Variants in CAMKK2 observed in about 807,000 individuals in gnomAD.
CAMKK2 encodes calcium/calmodulin dependent protein kinase kinase 2, also known as calcium/calmodulin-dependent protein kinase kinase 2.
A neutral mutation model predicts 67.2 loss-of-function variants in CAMKK2; 30 were observed. The observed-to-expected ratio is 0.45, with a 90% CI of 0.33 to 0.61. The LOEUF (loss-of-function observed/expected upper bound fraction) is 0.61, where lower values mean the gene tolerates loss of function less well. Ranked by LOEUF, CAMKK2 falls within the 20% of genes least tolerant of loss-of-function variation. The probability of loss-of-function intolerance (pLI) is 0.02; values close to 1 mark genes in which losing one functional copy is unlikely to be tolerated. For missense variants in CAMKK2, 643 were observed against 802.0 expected (o/e 0.80, Z 2.39); for synonymous variants, 322 against 326.2 (o/e 0.99, Z 0.14).
At chr12:121,262,485 C>G (rs1893650829) in intron 6 of CAMKK2, among the ~76,000 whole-genome samples, 1 of 151,026 alleles carries the variant, frequency 6.6e-6, no homozygotes, top group African/African-American at 2.4e-5. Flanking sequence ...GCACTCCAGC[C>G]TGGGCAACAG....
intron 16 of CAMKK2, chr12:121,244,228 G>C (rs373323104): frequency 3.4e-4 from 443 of 1,305,630 alleles, no homozygotes; most frequent in Non-Finnish European, 4.6e-4. Context: ...ATGCGGACTC[G>C]GGGGGGCACC....
At chr12:121,256,680 C>T (rs1483938992) in intron 7 of CAMKK2, among the ~76,000 whole-genome samples, 2 of 152,160 alleles carry the variant, frequency 1.3e-5, no homozygotes, top group African/African-American at 4.8e-5. Flanking sequence ...GCTTCTTTCA[C>T]TTAGCATCAT....
intron 6 of CAMKK2, chr12:121,260,678 C>T (rs966329590): frequency 5.8e-6 from 3 of 513,510 alleles, no homozygotes; most frequent in Non-Finnish European, 1.0e-5. Context: ...TCCGGCTGGG[C>T]GCAGTGGCTC....
chr12:121,269,459 G>A, intron 4 of CAMKK2, 69 bp downstream of exon 4: 1 of 1,220,726 alleles, frequency 8.2e-7, no homozygotes, highest in Non-Finnish European at 1.2e-6. Flanking sequence ...TTTCCAGGAA[G>A]CTGAGTGCTG....
chr12:121,251,455 A>G (rs1327684694), intron 11 of CAMKK2, among the ~76,000 whole-genome samples: 1 of 152,206 alleles, frequency 6.6e-6, no homozygotes, highest in Non-Finnish European at 1.5e-5. Flanking sequence ...GCTTTCCTCA[A>G]TAAGAACACA....
intron 1 of CAMKK2, among the ~76,000 whole-genome samples, chr12:121,278,390 C>T (rs953650274): frequency 1.3e-5 from 2 of 152,200 alleles, no homozygotes; most frequent in Non-Finnish European, 1.5e-5. Flanking sequence ...CAGAATCATG[C>T]CCTGCAAGTG....
chr12:121,263,779 C>G, intron 6 of CAMKK2, 27 bp downstream of exon 6: 2 of 1,579,126 alleles, frequency 1.3e-6, no homozygotes, highest in Non-Finnish European at 1.7e-6. Flanking sequence ...GGGCCTCCCT[C>G]CCTCCTGGGC....
intron 11 of CAMKK2, among the ~76,000 whole-genome samples, chr12:121,251,425 T>C (rs1228995594): frequency 2.0e-5 from 3 of 152,172 alleles, no homozygotes; most frequent in Admixed American, 1.3e-4. Context: ...CTTTACTTCT[T>C]CATGGGACCA....
rs1593243375 is a variant in CAMKK2, at chr12:121,240,398, G to A, written c.*301C>T. 5 of 1,490,838 alleles carry A rather than the reference G, an allele frequency of 3.4e-6. No individual in the cohort carries two copies. The East Asian group carries it at 1.2e-4, about 37-fold the overall frequency. 92.4% of individuals were successfully genotyped at this position (1,490,838 alleles called of 1,614,324 possible). ...CGTGGTTCTGAAAATCACAATGAAG[G>A]ATTTTTGGCATAAAAACGTTTTAAA... On this transcript the variant is annotated 3_prime_UTR_variant, in exon 17 of 17. Coordinates refer to ENST00000404169, the MANE Select transcript of CAMKK2 (RefSeq NM_001270485.2). This position sits in a 1 kb window ranked among gnomAD's most constrained non-coding sequence, Gnocchi z 4.4.
intron 6 of CAMKK2, among the ~76,000 whole-genome samples, chr12:121,262,894 T>C (rs1282468926): frequency 6.6e-6 from 1 of 152,212 alleles, no homozygotes; most frequent in African/African-American, 2.4e-5. Context: ...TTAAATTTTC[T>C]CAGTTTTAAA....
At chr12:121,268,270 G>A (rs1165166125) in intron 5 of CAMKK2, among the ~76,000 whole-genome samples, 1 of 151,726 alleles carries the variant, frequency 6.6e-6, no homozygotes, top group Non-Finnish European at 1.5e-5. Flanking sequence ...GTTCTCTTGG[G>A]TATATAAGTA....
chr12:121,284,919 G>A (rs756638736), intron 1 of CAMKK2, among the ~76,000 whole-genome samples: 22 of 152,272 alleles, frequency 1.4e-4, no homozygotes, highest in South Asian at 4.1e-4. Context: ...CTGAATTCCC[G>A]GGCCTAGAAC....
chr12:121,289,077 AC>A (rs1284205897), intron 1 of CAMKK2, among the ~76,000 whole-genome samples: 1 of 151,796 alleles, frequency 6.6e-6, no homozygotes, highest in Non-Finnish European at 1.5e-5. Flanking sequence ...CCCCCACCCC[AC>A]CCCAACCAAA....
chr12:121,253,420 G>A lies in CAMKK2; in HGVS notation c.960C>T (p.Val320=), dbSNP rs146311641. 2.6e-5 allele frequency: 42 copies of A among 1,614,132 alleles called. No homozygotes were observed. The highest frequency in any genetic ancestry group is 2.5e-4 in the East Asian group (11 of 44,886). ...HRDIKPSNLL[V]GEDGHIKIAD... is the part of the protein sequence containing the mutation. ...CGATCTTGATGTGCCCATCTTCTCCGACCAGGAGGTTGGAAGGTTTGATGT... is the reference window on the plus strand; with the variant it reads ...CGATCTTGATGTGCCCATCTTCTCCAACCAGGAGGTTGGAAGGTTTGATGT... Residue 320 remains valine (V), a synonymous_variant, in exon 10 of 17, where the codon GTC becomes GTT. Coordinates refer to ENST00000404169, the MANE Select transcript of CAMKK2 (RefSeq NM_001270485.2). This position sits in a 1 kb window ranked among gnomAD's most constrained non-coding sequence, Gnocchi z 5.0.
Position 121,240,718 on chromosome 12 carries a change from T to G in CAMKK2, c.1748A>C (p.Glu583Ala). 1 of 1,605,360 alleles carries G rather than the reference T, an allele frequency of 6.2e-7. No homozygotes were observed. Among genetic ancestry groups the G allele is most frequent in the South Asian group, 1.1e-5 (1 of 90,384 alleles). ...AGGCAGCTACTCGGGCTCCATGGCC[T>G]CCTCCGGCCGCAGTGGATGCATGCG... ...PARMHPLRPE[E>A]AMEPE Residue 583 changes from glutamate to alanine, a missense_variant, in exon 17 of 17, where the codon GAG becomes GCG. Physicochemically the swap from Glu to Ala is moderately radical, Grantham distance 107. This residue lies in a region of CAMKK2 where 140 missense variants were observed against 124.2 expected (regional missense o/e 1.13). Transcript: ENST00000404169. This position sits in a 1 kb window ranked among gnomAD's most constrained non-coding sequence, Gnocchi z 4.4.
At chr12:121,296,737 C>G (rs1849601953), upstream of CAMKK2, 1 of 146,722 alleles carries the variant, frequency 6.8e-6, no homozygotes, top group Admixed American at 6.8e-5. This position sits in a 1 kb window ranked among gnomAD's most constrained non-coding sequence, Gnocchi z 7.1. Context: ...TCTCCTCCGC[C>G]CGGGCGGCGG....
At chr12:121,295,034 G>A (rs1261895746) in intron 1 of CAMKK2, among the ~76,000 whole-genome samples, 1 of 152,134 alleles carries the variant, frequency 6.6e-6, no homozygotes, top group Non-Finnish European at 1.5e-5. Context: ...GCCAGGCATG[G>A]TGGTGGGCGC....
At chr12:121,291,233 C>T (rs1899952909) in intron 1 of CAMKK2, among the ~76,000 whole-genome samples, 1 of 152,198 alleles carries the variant, frequency 6.6e-6, no homozygotes. Context: ...TTTCAAGAAA[C>T]CTTTCTTCCA....
intron 7 of CAMKK2, among the ~76,000 whole-genome samples, chr12:121,259,502 G>A (rs750074003): frequency 1.3e-5 from 2 of 152,158 alleles, no homozygotes; most frequent in Non-Finnish European, 2.9e-5. Flanking sequence ...AGAGAATTAC[G>A]CTAAGAATGC....
Sources: allele counts gnomAD v4.1 joint callset (sites outside exome capture counted in the v4.1 genomes callset), GRCh38; gene constraint gnomAD v4.1.1; regional missense constraint gnomAD v4.1.1; non-coding constraint Gnocchi (gnomAD v3.1); transcripts MANE v1.5; gene names NCBI Gene and HGNC (gene_info 2026-07-23, HGNC 2026-07-21).